The following MED27 variants were observed in gnomAD, a reference collection of about 807,000 sequenced individuals.
MED27 encodes mediator complex subunit 27, also known as mediator of RNA polymerase II transcription subunit 27.
Under a neutral mutation model 38.2 loss-of-function variants are expected in MED27, and 30 were observed. That is an observed-to-expected ratio of 0.79 (90% CI 0.59 to 1.07). The LOEUF is 1.07. Ranked by LOEUF, MED27 falls within the 50% of genes least tolerant of loss-of-function variation. The probability of loss-of-function intolerance (pLI) is 0.00; values close to 1 mark genes in which losing one functional copy is unlikely to be tolerated. For synonymous variants in MED27, 122 were observed against 153.5 expected (o/e 0.79, Z 1.52); for missense variants, 289 against 397.5 (o/e 0.73, Z 2.32).
intron 4 of MED27, among the ~76,000 whole-genome samples, chr9:131,927,379 A>ATCAG (rs1462677353): frequency 6.6e-6 from 1 of 152,238 alleles, no homozygotes; most frequent in Non-Finnish European, 1.5e-5. Context: ...TCAGAATCAA[A>ATCAG]TCAGTCACAA....
At chr9:131,876,624 C>G (rs1311993759) in intron 6 of MED27, among the ~76,000 whole-genome samples, 2 of 152,276 alleles carry the variant, frequency 1.3e-5, no homozygotes, top group East Asian at 3.9e-4. Context: ...TCTCAGCTCC[C>G]AGAGCCCCGC....
At chr9:131,877,423 C>CAA (rs1437655132) in intron 6 of MED27, among the ~76,000 whole-genome samples, 9 of 151,894 alleles carry the variant, frequency 5.9e-5, no homozygotes, top group African/African-American at 9.7e-5. Context: ...CACACACACA[C>CAA]AAATTAGCTG....
At chr9:131,939,255 T>C (rs1830740002) in intron 4 of MED27, 126 bp downstream of exon 4, 5 of 521,276 alleles carry the variant, frequency 9.6e-6, no homozygotes, top group African/African-American at 2.0e-5. Context: ...AAAGAAACTA[T>C]GTTATTCACT....
rs143797606 is a variant in MED27, at chr9:131,910,870, C to T, written c.574-16878G>A. Among the ~76,000 whole-genome samples, 8 of 152,244 alleles carry T rather than the reference C, an allele frequency of 5.3e-5. No individual in the cohort carries two copies. In the East Asian group the frequency reaches 9.6e-4, roughly 18 times the overall value. ...GGATCGTTCTGCATTTTCCTTCGTT[C>T]GAAAATAATACAAACCAGCAGACTT... On this transcript the variant is annotated intron_variant, in intron 4 of 7. Transcript: ENST00000292035.
intron 3 of MED27, among the ~76,000 whole-genome samples, chr9:131,980,428 T>C (rs1261460109): frequency 6.6e-6 from 1 of 152,150 alleles, no homozygotes; most frequent in Non-Finnish European, 1.5e-5. Context: ...GATTCTAGTA[T>C]TCGCGAGAGC....
intron 2 of MED27, among the ~76,000 whole-genome samples, chr9:132,050,546 A>G (rs1833442406): frequency 6.6e-6 from 1 of 152,252 alleles, no homozygotes; most frequent in Non-Finnish European, 1.5e-5. Flanking sequence ...AGGGAAAAGA[A>G]GAGTAGGAAA....
At chr9:132,005,315 G>C (rs1832335326) in intron 3 of MED27, among the ~76,000 whole-genome samples, 1 of 152,174 alleles carries the variant, frequency 6.6e-6, no homozygotes, top group African/African-American at 2.4e-5. Flanking sequence ...GAACAAAAAA[G>C]CAGAAGGAGA....
chr9:131,979,482 C>CAAAAAAAAAAAAAAAAAA (rs1831683880), intron 3 of MED27, among the ~76,000 whole-genome samples: 1 of 24,970 alleles, frequency 4.0e-5, no homozygotes. Context: ...AAAAGCTGTT[C>CAAAAAAAAAAAAAAAAAA]CAAAAAAAAA....
chr9:131,899,783 T>A (rs1470206174), intron 4 of MED27, among the ~76,000 whole-genome samples: 1 of 152,230 alleles, frequency 6.6e-6, no homozygotes, highest in African/African-American at 2.4e-5. Context: ...CCGATTCTCA[T>A]GTGTCTGGCA....
intron 3 of MED27, among the ~76,000 whole-genome samples, chr9:131,959,609 C>G (rs532916847): frequency 2.0e-4 from 31 of 152,310 alleles, no homozygotes; most frequent in Admixed American, 1.4e-3. Context: ...CCTTCCAGCT[C>G]TAGTCAGTTC....
chr9:132,004,292 T>A (rs927078714), intron 3 of MED27, among the ~76,000 whole-genome samples: 1 of 152,214 alleles, frequency 6.6e-6, no homozygotes, highest in Non-Finnish European at 1.5e-5. Context: ...TGTCCCTATA[T>A]TTATTCTCCA....
rs1838641210 is a variant in MED27 at position 131,860,870 on chromosome 9, C to T, written c.802-198G>A. On this transcript the variant is annotated intron_variant, in intron 7 of 7. Coordinates refer to ENST00000292035, the MANE Select transcript of MED27 (RefSeq NM_004269.4). The surrounding 1 kb of genome is among the most constrained non-coding windows in gnomAD (Gnocchi z 5.8). ...ATGTTCACGTCTGATGCTCGCGTGC[C>T]CCTCCTAACCGAAGGAGTTTTGAAA... Among the ~76,000 whole-genome samples, 1 of 152,106 alleles carries T rather than the reference C, an allele frequency of 6.6e-6. No individual in the cohort carries two copies.
At chr9:131,952,728 C>A (rs1278554778) in intron 3 of MED27, among the ~76,000 whole-genome samples, 1 of 152,242 alleles carries the variant, frequency 6.6e-6, no homozygotes, top group East Asian at 1.9e-4. Context: ...CAGGATCCCT[C>A]TCCACGCAGC....
At chr9:131,933,573 T>A (rs564425413) in intron 4 of MED27, among the ~76,000 whole-genome samples, 1 of 152,032 alleles carries the variant, frequency 6.6e-6, no homozygotes, top group East Asian at 1.9e-4. Flanking sequence ...AAAACTCTCA[T>A]AATGAAAACT....
intron 6 of MED27, among the ~76,000 whole-genome samples, chr9:131,878,307 AAAT>A (rs1390577757): frequency 3.3e-5 from 5 of 149,902 alleles, no homozygotes; most frequent in African/African-American, 1.2e-4. Flanking sequence ...ATAAATAAAT[AAAT>A]AAAATAAAAA....
chr9:131,929,971 C>G (rs563113741), intron 4 of MED27, among the ~76,000 whole-genome samples: 1 of 152,330 alleles, frequency 6.6e-6, no homozygotes, highest in East Asian at 1.9e-4. Flanking sequence ...AGCACAGTCT[C>G]AGGAGTGGTG....
chr9:131,900,035 G>A (rs539187112), intron 4 of MED27, among the ~76,000 whole-genome samples: 4 of 152,344 alleles, frequency 2.6e-5, no homozygotes, highest in Admixed American at 6.5e-5. Flanking sequence ...GCTTGCTGTT[G>A]CCAAGGTAAC....
chr9:131,884,134 G>A, intron 5 of MED27, 35 bp from the exon 6 acceptor site: 1 of 1,559,720 alleles, frequency 6.4e-7, no homozygotes, highest in African/African-American at 1.4e-5. Flanking sequence ...ATCAGCATCG[G>A]TCTTAGAATT....
Position 132,037,480 on chromosome 9 carries a change from G to A in MED27, c.349-23013C>T, listed in dbSNP as rs777994374. Among the ~76,000 whole-genome samples, 48 of 152,118 alleles carry A rather than the reference G, an allele frequency of 3.2e-4. 1 individual carries two copies. The highest frequency in any genetic ancestry group is 2.6e-3 in the Admixed American group (40 of 15,270). On this transcript the variant is annotated intron_variant, in intron 2 of 7. Transcript: ENST00000292035. ...GAAGAGTAATCTAGGCTTTTAAAAC[G>A]GTGATTCTAACAGTTGAAAGACTAG...
Sources: allele counts gnomAD v4.1 joint callset (sites outside exome capture counted in the v4.1 genomes callset), GRCh38; gene constraint gnomAD v4.1.1; non-coding constraint Gnocchi (gnomAD v3.1); transcripts MANE v1.5; gene names NCBI Gene and HGNC (gene_info 2026-07-23, HGNC 2026-07-21).